NDST4: variants seen among roughly 807,000 people sequenced by gnomAD.
NDST4 encodes the protein N-heparan sulfate sulfotransferase 4.
In NDST4, 63 loss-of-function variants were observed where a neutral mutation model predicts 100.8. That is an observed-to-expected ratio of 0.62 (90% CI 0.51 to 0.77). The LOEUF (loss-of-function observed/expected upper bound fraction) is 0.77, where lower values mean the gene tolerates loss of function less well. NDST4 is among the 30% of genes least tolerant of loss of function. The pLI, the probability that NDST4 is intolerant of heterozygous loss-of-function variation, is 0.00. For missense variants in NDST4, 943 were observed against 1,018.4 expected, an observed-to-expected ratio of 0.93 and a Z score of 1.01; for synonymous variants, 377 against 361.8, an observed-to-expected ratio of 1.04 and a Z score of -0.48.
chr4:114,986,793 C>CATATGTGTATATATATATAT (rs1218840726), intron 2 of NDST4, among the ~76,000 whole-genome samples: 1 of 91,148 alleles, frequency 1.1e-5, no homozygotes, highest in African/African-American at 4.5e-5. Context: ...TCCAATTATA[C>CATATGTGTATATATATATAT]ATATATATAT....
intron 2 of NDST4, among the ~76,000 whole-genome samples, chr4:114,991,199 G>A (rs1278414925): frequency 6.6e-6 from 1 of 152,010 alleles, no homozygotes; most frequent in African/African-American, 2.4e-5. Flanking sequence ...CGAGACCATG[G>A]TGCACTTATT....
At chr4:115,072,811 A>G (rs1729103890) in intron 2 of NDST4, among the ~76,000 whole-genome samples, 2 of 152,140 alleles carry the variant, frequency 1.3e-5, no homozygotes, top group Middle Eastern at 3.4e-3. Context: ...AACACAAGCA[A>G]CAAAAGTAAA....
chr4:115,052,213 C>T (rs1016780060), intron 2 of NDST4, among the ~76,000 whole-genome samples: 1 of 152,092 alleles, frequency 6.6e-6, no homozygotes, highest in Non-Finnish European at 1.5e-5. Context: ...ACTTTTCTTT[C>T]ATCGGAATTT....
intron 6 of NDST4, among the ~76,000 whole-genome samples, chr4:114,907,647 G>A (rs151304128): frequency 6.6e-6 from 1 of 152,096 alleles, no homozygotes; most frequent in Admixed American, 6.6e-5. Flanking sequence ...TTTTCCATAT[G>A]TTATGATAGG....
chr4:115,099,514 A>G (rs2126297569), intron 1 of NDST4, among the ~76,000 whole-genome samples: 1 of 152,296 alleles, frequency 6.6e-6, no homozygotes, highest in South Asian at 2.1e-4. Context: ...ACCTAAATAG[A>G]TACCTCCTTA....
At chr4:114,992,159 C>T (rs548626743) in intron 2 of NDST4, among the ~76,000 whole-genome samples, 12 of 151,446 alleles carry the variant, frequency 7.9e-5, no homozygotes, top group Non-Finnish European at 5.9e-5. Flanking sequence ...TATTTTTTTT[C>T]AGTTTTTCCC....
chr4:115,071,560 T>C (rs964104749), intron 2 of NDST4, among the ~76,000 whole-genome samples: 3 of 152,132 alleles, frequency 2.0e-5, no homozygotes, highest in African/African-American at 7.2e-5. Flanking sequence ...GTATTTCATA[T>C]GAATTGAAAT....
chr4:115,071,915 T>C (rs1383850861), intron 2 of NDST4, among the ~76,000 whole-genome samples: 1 of 152,154 alleles, frequency 6.6e-6, no homozygotes, highest in Non-Finnish European at 1.5e-5. Flanking sequence ...AGTTCTCAAT[T>C]CTCAATTCCA....
At position 115,087,924 on chromosome 4, in the gene NDST4, A is replaced by T. The variant is rs181313095; in HGVS notation, c.-246-10642T>A. Among the ~76,000 whole-genome samples, 548 of 152,074 alleles carry T rather than the reference A, an allele frequency of 3.6e-3. 6 individuals carry two copies. The highest frequency in any genetic ancestry group is 0.013 in the African/African-American group (527 of 41,536). On this transcript the variant is annotated intron_variant, in intron 1 of 13. Transcript: ENST00000264363. ...AATATTAAAAATAAAATGAACATTA[A>T]CAAATTCTTATTTCTTTCTATATTT...
chr4:114,948,428 T>C (rs1725917809), intron 4 of NDST4, among the ~76,000 whole-genome samples: 3 of 152,190 alleles, frequency 2.0e-5, no homozygotes, highest in African/African-American at 7.2e-5. Flanking sequence ...AGTAGGTTCC[T>C]ATTAATAAAT....
At chr4:114,914,197 G>T (rs1236212140) in intron 6 of NDST4, among the ~76,000 whole-genome samples, 1 of 152,012 alleles carries the variant, frequency 6.6e-6, no homozygotes, top group Non-Finnish European at 1.5e-5. Context: ...GGGTATCAGG[G>T]CATTGGGGGG....
intron 7 of NDST4, among the ~76,000 whole-genome samples, chr4:114,869,950 G>C (rs189799793): frequency 6.6e-6 from 1 of 152,224 alleles, no homozygotes; most frequent in Admixed American, 6.6e-5. Flanking sequence ...GAGAGAGGAT[G>C]ACAAAAAGTC....
chr4:114,973,513 A>C (rs529083141), intron 3 of NDST4, among the ~76,000 whole-genome samples: 1 of 152,096 alleles, frequency 6.6e-6, no homozygotes, highest in East Asian at 1.9e-4. Context: ...AATGAAAAAA[A>C]TACATTTTGC....
At chr4:114,855,146 A>G (rs1402334285) in intron 7 of NDST4, among the ~76,000 whole-genome samples, 1 of 151,242 alleles carries the variant, frequency 6.6e-6, no homozygotes. Context: ...TTTTTTTCCT[A>G]TAGAGTTGTT....
chr4:114,986,815 T>TAC (rs2126249569), intron 2 of NDST4, among the ~76,000 whole-genome samples: 1 of 123,882 alleles, frequency 8.1e-6, no homozygotes, highest in Non-Finnish European at 1.7e-5. Flanking sequence ...TATATATATA[T>TAC]ATATATATAT....
chr4:115,064,747 G>A (rs991096769), intron 2 of NDST4, among the ~76,000 whole-genome samples: 2 of 151,852 alleles, frequency 1.3e-5, no homozygotes, highest in Non-Finnish European at 1.5e-5. Context: ...ACTTGTTATT[G>A]GTTTATCACC....
intron 6 of NDST4, among the ~76,000 whole-genome samples, chr4:114,888,168 A>G (rs1038754327): frequency 5.3e-5 from 8 of 152,000 alleles, no homozygotes; most frequent in Admixed American, 6.6e-5. Flanking sequence ...GTGCCACTGC[A>G]CCCCAGCTTG....
chr4:114,829,949 G>T, intron 12 of NDST4, 57 bp from the exon 13 acceptor site: 2 of 1,191,672 alleles, frequency 1.7e-6, no homozygotes, highest in Non-Finnish European at 2.4e-6. Context: ...CAGTGAGACA[G>T]CCTCACCAAT....
intron 6 of NDST4, among the ~76,000 whole-genome samples, chr4:114,873,972 T>G (rs1021205621): frequency 2.2e-4 from 33 of 152,256 alleles, no homozygotes; most frequent in Admixed American, 6.5e-5. Context: ...TCTTCATCAT[T>G]TCTAAGTATG....
Sources: allele counts gnomAD v4.1 joint callset (sites outside exome capture counted in the v4.1 genomes callset), GRCh38; gene constraint gnomAD v4.1.1; transcripts MANE v1.5; gene names NCBI Gene and HGNC (gene_info 2026-07-23, HGNC 2026-07-21).